Variants in RARRES1 observed in about 807,000 individuals in gnomAD.
RARRES1 encodes retinoic acid receptor responder 1.
In RARRES1, 34 loss-of-function variants were observed where a neutral mutation model predicts 30.6. The ratio of observed to expected loss-of-function variants is 1.11; its 90% confidence interval spans 0.84 to 1.48. The LOEUF is 1.48. RARRES1 is among the 40% of genes most tolerant of loss of function. The pLI is 0.00. For missense variants in RARRES1, 373 were observed against 386.5 expected, an observed-to-expected ratio of 0.97 and a Z score of 0.29; for synonymous variants, 153 against 155.5, an observed-to-expected ratio of 0.98 and a Z score of 0.12.
At chr3:158,702,102 A>G (rs923674014) in intron 4 of RARRES1, among the ~76,000 whole-genome samples, 9 of 152,220 alleles carry the variant, frequency 5.9e-5, no homozygotes, top group Admixed American at 5.9e-4. Flanking sequence ...CACTAGCACG[A>G]TCTCACCTCA....
rs1176891024 is a variant in RARRES1, at chr3:158,713,868, CAG to C, written c.277-11_277-10del. On this transcript the variant is annotated splice_polypyrimidine_tract_variant and intron_variant, in intron 1 of 5. Coordinates refer to ENST00000237696, the MANE Select transcript of RARRES1 (RefSeq NM_206963.2). ...CCCTCTTTTGGATTAATCTGGAACA[CAG>C]AAACTGAATCTTAGTATAGTAGAAG... The C allele has an allele frequency of 6.2e-7, 1 of 1,611,596 alleles. No individual in the cohort carries two copies. Among genetic ancestry groups the C allele is most frequent in the African/African-American group, 1.3e-5 (1 of 74,976 alleles).
chr3:158,707,075 A>G (rs1726947532), intron 3 of RARRES1, among the ~76,000 whole-genome samples: 1 of 152,226 alleles, frequency 6.6e-6, no homozygotes, highest in African/African-American at 2.4e-5. Context: ...AGGCTGAAGC[A>G]GGAGAATCGC....
chr3:158,699,029 C>CAA (rs1305737116), intron 4 of RARRES1, among the ~76,000 whole-genome samples: 1 of 151,914 alleles, frequency 6.6e-6, no homozygotes, highest in Admixed American at 6.6e-5. Context: ...AGACAACAGT[C>CAA]AATTTACAAC....
chr3:158,715,766 C>T (rs1000309893), intron 1 of RARRES1, among the ~76,000 whole-genome samples: 3 of 152,114 alleles, frequency 2.0e-5, no homozygotes, highest in African/African-American at 4.8e-5. Flanking sequence ...CTGAAACACC[C>T]AATGAGTAGT....
chr3:158,701,206 G>A (rs999143851), intron 4 of RARRES1, among the ~76,000 whole-genome samples: 2 of 152,100 alleles, frequency 1.3e-5, no homozygotes, highest in African/African-American at 4.8e-5. Context: ...AAGGCTAAAG[G>A]TACGGGCTTA....
intron 4 of RARRES1, among the ~76,000 whole-genome samples, chr3:158,698,922 C>G (rs923897364): frequency 2.6e-5 from 4 of 152,134 alleles, no homozygotes; most frequent in Non-Finnish European, 4.4e-5. Flanking sequence ...CTTTTACCTT[C>G]CCTTTTACCA....
At chr3:158,713,525 A>T (rs530898892) in intron 2 of RARRES1, among the ~76,000 whole-genome samples, 25 of 152,216 alleles carry the variant, frequency 1.6e-4, no homozygotes, top group African/African-American at 6.0e-4. Flanking sequence ...GGAGCTGTGA[A>T]ATTCTCTCCC....
At chr3:158,705,875 A>G (rs750503832) in intron 3 of RARRES1, among the ~76,000 whole-genome samples, 10 of 152,168 alleles carry the variant, frequency 6.6e-5, no homozygotes, top group Non-Finnish European at 1.3e-4. Context: ...CATCTTTCTT[A>G]AAACTTAAAC....
chr3:158,732,109 C>A, intron 1 of RARRES1, 31 bp downstream of exon 1: 10 of 1,313,802 alleles, frequency 7.6e-6, no homozygotes, highest in Non-Finnish European at 9.7e-6. Flanking sequence ...GACAGGCAGG[C>A]GCGTGCCCCG....
At chr3:158,715,487 G>T (rs1449153895) in intron 1 of RARRES1, among the ~76,000 whole-genome samples, 1 of 152,086 alleles carries the variant, frequency 6.6e-6, no homozygotes, top group Non-Finnish European at 1.5e-5. Context: ...TCACTTTTTT[G>T]AGATGACTTG....
chr3:158,728,528 T>TG (rs1416024895), intron 1 of RARRES1, among the ~76,000 whole-genome samples: 12 of 148,102 alleles, frequency 8.1e-5, no homozygotes, highest in African/African-American at 3.0e-4. Context: ...TTTTTTTTTT[T>TG]TTTTTTGGTT....
At chr3:158,704,281 G>T (rs1576809516) in intron 4 of RARRES1, among the ~76,000 whole-genome samples, 1 of 136,922 alleles carries the variant, frequency 7.3e-6, no homozygotes, top group African/African-American at 2.7e-5. Context: ...TGCCCAGGAT[G>T]GAGTACAGTA....
chr3:158,719,587 T>C (rs891667670), intron 1 of RARRES1, among the ~76,000 whole-genome samples: 22 of 152,092 alleles, frequency 1.4e-4, no homozygotes, highest in Non-Finnish European at 2.9e-4. Flanking sequence ...TTTTTGTGTG[T>C]TTATTTTATA....
intron 4 of RARRES1, 195 bp from the exon 5 acceptor site, chr3:158,698,165 T>C: frequency 1.8e-6 from 1 of 547,238 alleles, no homozygotes; most frequent in Non-Finnish European, 3.3e-6. Context: ...CACTGAGTTA[T>C]ATGAAAGTCT....
chr3:158,722,499 G>T (rs1301655783), intron 1 of RARRES1, among the ~76,000 whole-genome samples: 1 of 152,176 alleles, frequency 6.6e-6, no homozygotes, highest in Non-Finnish European at 1.5e-5. Context: ...TAAAGTCATT[G>T]AAATATTGGG....
intron 1 of RARRES1, among the ~76,000 whole-genome samples, 177 bp from the exon 2 acceptor site, chr3:158,714,036 CT>C (rs948441899): frequency 2.6e-5 from 4 of 152,074 alleles, no homozygotes; most frequent in African/African-American, 9.7e-5. Context: ...TTGTGCCATT[CT>C]GCTTGCTAGT....
chr3:158,702,780 A>G (rs1197854360), intron 4 of RARRES1, among the ~76,000 whole-genome samples: 1 of 152,194 alleles, frequency 6.6e-6, no homozygotes, highest in Non-Finnish European at 1.5e-5. Context: ...AAGAACTAGT[A>G]CTGTATCTTG....
At chr3:158,717,105 C>A (rs1674809292) in intron 1 of RARRES1, among the ~76,000 whole-genome samples, 1 of 152,218 alleles carries the variant, frequency 6.6e-6, no homozygotes, top group Non-Finnish European at 1.5e-5. Context: ...AGGCCACCTT[C>A]CTCTGGATGC....
intron 1 of RARRES1, among the ~76,000 whole-genome samples, chr3:158,728,237 C>A (rs1727752524): frequency 1.3e-5 from 2 of 151,824 alleles, no homozygotes; most frequent in African/African-American, 4.8e-5. Flanking sequence ...GGATCCCACA[C>A]TAAATTGGCT....
Sources: gnomAD v4.1 joint callset for allele counts (sites outside exome capture counted in the v4.1 genomes callset) on GRCh38, gnomAD v4.1.1 for gene constraint, MANE v1.5 for transcripts, NCBI Gene and HGNC (gene_info 2026-07-23, HGNC 2026-07-21) for gene names.